The following MACROD2 variants were observed in gnomAD, a reference collection of about 807,000 sequenced individuals.
The protein encoded by MACROD2 is ADP-ribose glycohydrolase MACROD2.
MACROD2 carries 36 observed loss-of-function variants against 70.4 expected under a neutral mutation model. The ratio of observed to expected loss-of-function variants is 0.51; its 90% CI spans 0.39 to 0.68. The LOEUF is 0.68. Among genes scored for constraint, MACROD2 ranks in the 30% least tolerant of loss-of-function variants. MACROD2 has a pLI of 0.00. For missense variants in MACROD2, 496 were observed against 538.4 expected (o/e 0.92, Z 0.78); for synonymous variants, 172 against 178.8 (o/e 0.96, Z 0.30).
intron 3 of MACROD2, among the ~76,000 whole-genome samples, chr20:14,197,935 G>A (rs1036941525): frequency 2.6e-5 from 4 of 152,100 alleles, no homozygotes; most frequent in African/African-American, 7.2e-5. Flanking sequence ...AATCAAATGG[G>A]TATGATTTTA....
At chr20:14,159,174 G>A (rs1368049754) in intron 3 of MACROD2, among the ~76,000 whole-genome samples, 1 of 152,190 alleles carries the variant, frequency 6.6e-6, no homozygotes, top group South Asian at 2.1e-4. Flanking sequence ...GGAGATGGAG[G>A]TTGCAATGAG....
At chr20:15,406,263 C>T (rs564666306) in intron 6 of MACROD2, among the ~76,000 whole-genome samples, 1 of 152,278 alleles carries the variant, frequency 6.6e-6, no homozygotes, top group South Asian at 2.1e-4. Flanking sequence ...GGGAAAGTGT[C>T]CAGCATTATT....
chr20:15,353,915 G>C (rs2078256603), intron 6 of MACROD2, among the ~76,000 whole-genome samples: 2 of 133,614 alleles, frequency 1.5e-5, no homozygotes, highest in African/African-American at 2.8e-5. Flanking sequence ...CTGTAAACTA[G>C]TTCAACCATT....
intron 3 of MACROD2, among the ~76,000 whole-genome samples, chr20:14,132,153 C>A (rs922033103): frequency 2.9e-5 from 4 of 137,984 alleles, no homozygotes; most frequent in East Asian, 2.3e-4. Context: ...AAAAAAGATT[C>A]TCCCACCTCA....
chr20:15,049,840 C>T (rs1287566545), intron 5 of MACROD2, among the ~76,000 whole-genome samples: 4 of 151,628 alleles, frequency 2.6e-5, no homozygotes, highest in African/African-American at 7.3e-5. Flanking sequence ...CCCAGCTGCT[C>T]GGGAGGCAGA....
chr20:14,290,689 A>G (rs143492515), intron 3 of MACROD2, among the ~76,000 whole-genome samples: 2,289 of 152,144 alleles, frequency 0.015, 24 homozygotes, highest in African/African-American at 0.027. Flanking sequence ...TTGTATTTTT[A>G]GTATACACAG....
chr20:14,991,710 G>A (rs1236804131), intron 5 of MACROD2, among the ~76,000 whole-genome samples: 1 of 152,180 alleles, frequency 6.6e-6, no homozygotes, highest in Non-Finnish European at 1.5e-5. Flanking sequence ...TTCTTTGGGG[G>A]AAGATGAAAG....
At chr20:15,438,181 T>C (rs530310292) in intron 7 of MACROD2, among the ~76,000 whole-genome samples, 1 of 152,122 alleles carries the variant, frequency 6.6e-6, no homozygotes, top group South Asian at 2.1e-4. Context: ...TTTATATTCC[T>C]CTGGGTATAT....
chr20:14,386,250 T>G (rs17226957), intron 3 of MACROD2, among the ~76,000 whole-genome samples: 23,273 of 152,180 alleles, frequency 0.15, 2,499 homozygotes, highest in Non-Finnish European at 0.23. Context: ...ACAGCTATGG[T>G]GCACAGTAGC....
chr20:15,730,396 A>C (rs1283847564), intron 8 of MACROD2, among the ~76,000 whole-genome samples: 10 of 152,130 alleles, frequency 6.6e-5, no homozygotes, highest in African/African-American at 2.4e-4. Flanking sequence ...TCTAGTGGTA[A>C]CAAATTCCCT....
rs545831775 is a variant in MACROD2, at chr20:14,363,961, C to T, written c.272-129518C>T. On this transcript the variant is annotated intron_variant, in intron 3 of 17. Coordinates refer to ENST00000684519, the MANE Select transcript of MACROD2 (RefSeq NM_001351661.2). ...GGTGGCACAGAAAAATCCCCTGGGG[C>T]ACTTTTCAAAACATAGATGCCTTGG... 1.4e-4 allele frequency among the ~76,000 whole-genome samples: 22 copies of T among 151,920 alleles called. No individual in the cohort carries two copies. In the South Asian group the frequency reaches 4.6e-3, roughly 32 times the overall value.
intron 6 of MACROD2, among the ~76,000 whole-genome samples, chr20:15,419,335 A>G (rs1183346050): frequency 1.3e-5 from 2 of 152,102 alleles, no homozygotes; most frequent in South Asian, 2.1e-4. Flanking sequence ...TATGTGCACT[A>G]TAAAAGTTAG....
chr20:14,944,912 T>C (rs1030704034), intron 5 of MACROD2, among the ~76,000 whole-genome samples: 4 of 152,140 alleles, frequency 2.6e-5, no homozygotes, highest in African/African-American at 9.7e-5. Context: ...TTATCCACTC[T>C]GGCTCACCTA....
At chr20:14,832,742 A>G (rs1019873981) in intron 5 of MACROD2, among the ~76,000 whole-genome samples, 1 of 152,196 alleles carries the variant, frequency 6.6e-6, no homozygotes, top group Admixed American at 6.5e-5. Context: ...GTTCCCTCAC[A>G]GAGCAGAGCC....
chr20:15,417,332 T>A (rs2046166947), intron 6 of MACROD2, among the ~76,000 whole-genome samples: 2 of 150,702 alleles, frequency 1.3e-5, no homozygotes, highest in Non-Finnish European at 3.0e-5. Flanking sequence ...GGTTCACGCT[T>A]GTAATCCCAG....
rs527661664 is a variant in MACROD2, at chr20:15,719,420, G to C, written c.646-143325G>C. Among the ~76,000 whole-genome samples, 9 of 152,276 alleles carry C rather than the reference G, an allele frequency of 5.9e-5. No homozygotes were observed. The South Asian group carries it at 1.7e-3, about 28-fold the overall frequency. ...CTTTACTGTCTAAGCAGTCTTTGAA[G>C]TCATCTATTTGGTGATTAGCTGTGA... is the stretch of plus-strand genomic sequence containing the variant. On this transcript the variant is annotated intron_variant, in intron 8 of 17. Coordinates refer to ENST00000684519, the MANE Select transcript of MACROD2 (RefSeq NM_001351661.2).
intron 5 of MACROD2, among the ~76,000 whole-genome samples, chr20:14,688,798 A>T (rs2071031136): frequency 6.6e-6 from 1 of 152,190 alleles, no homozygotes; most frequent in Non-Finnish European, 1.5e-5. Context: ...GTCAGTTCCA[A>T]TGTCAGTATC....
chr20:15,743,600 T>C (rs551872525), intron 8 of MACROD2, among the ~76,000 whole-genome samples: 1 of 152,150 alleles, frequency 6.6e-6, no homozygotes, highest in Non-Finnish European at 1.5e-5. Context: ...AATTGACTAA[T>C]CTGTTTTTTG....
At chr20:15,305,949 C>T (rs2077693674) in intron 6 of MACROD2, among the ~76,000 whole-genome samples, 1 of 152,166 alleles carries the variant, frequency 6.6e-6, no homozygotes, top group South Asian at 2.1e-4. Context: ...TTTCTCATTA[C>T]TTCACAATGT....
Sources: allele counts gnomAD v4.1 joint callset (sites outside exome capture counted in the v4.1 genomes callset), GRCh38; gene constraint gnomAD v4.1.1; transcripts MANE v1.5; gene names NCBI Gene and HGNC (gene_info 2026-07-23, HGNC 2026-07-21).